KIAA1210: variants seen among roughly 807,000 people sequenced by gnomAD.
KIAA1210 encodes the protein KIAA1210.
In KIAA1210, 48 loss-of-function variants were observed where a neutral mutation model predicts 78.9. That is an observed-to-expected ratio of 0.61 (90% CI 0.48 to 0.77). KIAA1210 has a LOEUF of 0.77. KIAA1210 is among the 30% of genes least tolerant of loss of function. The pLI is 0.00. For synonymous variants in KIAA1210, 406 were observed against 404.5 expected, an observed-to-expected ratio of 1.00 and a Z score of -0.04; for missense variants, 1,108 against 1,100.0, an observed-to-expected ratio of 1.01 and a Z score of -0.10.
intron 6 of KIAA1210, among the ~76,000 whole-genome samples, chrX:119,100,794 T>C (rs1410897499): frequency 2.7e-5 from 3 of 112,415 alleles, no homozygotes; most frequent in African/African-American, 6.5e-5. Flanking sequence ...TACACATTAT[T>C]TAGCTCCCAC....
chrX:119,079,413 G>C lies in KIAA1210; in HGVS notation c.*1916C>G, dbSNP rs999209063. ...GACATCCAAAGGGAGCTCTCCCTTAGTGTTTGGTGGGTTTGGGGGATGGAA... is the reference window on the plus strand; with the variant it reads ...GACATCCAAAGGGAGCTCTCCCTTACTGTTTGGTGGGTTTGGGGGATGGAA... On this transcript the variant is annotated 3_prime_UTR_variant, in exon 12 of 12. Transcript: ENST00000691062. 2 of 111,908 alleles carry C rather than the reference G, an allele frequency of 1.8e-5. No homozygotes were observed. The highest frequency in any genetic ancestry group is 3.8e-5 in the Non-Finnish European group (2 of 53,146). The allele number at this position is 111,908 out of a possible 1,213,427, so 9.2% of individuals were successfully genotyped here. A position where few individuals can be genotyped will look rare whatever the true frequency, so the allele number is the denominator to read the frequency against.
At chrX:119,125,440 G>A (rs182725215) in intron 1 of KIAA1210, among the ~76,000 whole-genome samples, 10 of 108,552 alleles carry the variant, frequency 9.2e-5, no homozygotes, top group Admixed American at 6.0e-4. Context: ...AGTTAAAAAC[G>A]GGAAACAACC....
At chrX:119,116,443 A>C in intron 3 of KIAA1210, 53 bp downstream of exon 3, 15 of 1,155,816 alleles carry the variant, frequency 1.3e-5, no homozygotes, top group African/African-American at 1.2e-4. Context: ...ACCTAGATCC[A>C]ACTGCCTGCC....
intron 2 of KIAA1210, among the ~76,000 whole-genome samples, chrX:119,137,412 G>A (rs781371735): frequency 2.7e-5 from 3 of 112,734 alleles, no homozygotes; most frequent in Non-Finnish European, 3.7e-5. Context: ...AACTACATTA[G>A]GAATTACAAA....
rs2147171577 is a variant in KIAA1210 at position 119,088,597 on chromosome X, G to A, written c.2105C>T (p.Pro702Leu). 8.3e-7 allele frequency: 1 copy of A among 1,211,642 alleles called. No individual in the cohort carries two copies. The change falls in exon 9 of 12, where the codon CCT (proline) becomes CTT (leucine). Residue 702 changes from proline (P) to leucine (L), a missense_variant. By Grantham distance (98) the Pro-to-Leu change is moderately conservative. This residue lies in a region of KIAA1210 where 672 missense variants were observed against 607.1 expected (regional missense o/e 1.11). Transcript: ENST00000691062. ...TTTGGGCTTTCCCAAGGCCTGAGCA[G>A]GGTGTCTGAGAGGCAGGTCTTCCTC... ...SSEEDLPLRH[P>L]AQALGKPKNQ...
intron 4 of KIAA1210, among the ~76,000 whole-genome samples, 164 bp from the exon 5 acceptor site, chrX:119,108,635 C>A (rs1012244053): frequency 2.7e-5 from 3 of 110,393 alleles, no homozygotes; most frequent in Non-Finnish European, 5.7e-5. Flanking sequence ...GAGGCCAAGG[C>A]GGGAGGGTTG....
At chrX:119,117,744 G>A (rs5957114) in intron 2 of KIAA1210, among the ~76,000 whole-genome samples, 1 of 107,011 alleles carries the variant, frequency 9.3e-6, no homozygotes, top group Non-Finnish European at 1.9e-5. Flanking sequence ...ACCACCACAC[G>A]TGGCTAATTT....
upstream of KIAA1210, among the ~76,000 whole-genome samples, chrX:119,151,122 C>T (rs753106338): frequency 1.2e-3 from 132 of 112,371 alleles, no homozygotes; most frequent in South Asian, 2.9e-3. Flanking sequence ...ACCCACAGGC[C>T]GAAGCAATAA....
At chrX:119,126,209 TG>T (rs1928641618) in intron 1 of KIAA1210, among the ~76,000 whole-genome samples, 1 of 22,304 alleles carries the variant, frequency 4.5e-5, no homozygotes. Flanking sequence ...TCTCCAGAGG[TG>T]GGGGGCCGGG....
At chrX:119,092,876 G>T (rs1927430679) in intron 8 of KIAA1210, among the ~76,000 whole-genome samples, 1 of 110,762 alleles carries the variant, frequency 9.0e-6, no homozygotes, top group South Asian at 3.8e-4. Context: ...GGGTTTTGTG[G>T]TTTTCTTAGT....
In KIAA1210 at chrX:119,110,452, TG is replaced by T. The variant is rs777750366; in HGVS notation, c.231-1251del. ...TGCTTTTATCATTTCTATTCGACAC[TG>T]TATGGGAGATTATAGACCGGGAAAT... On this transcript the variant is annotated intron_variant, in intron 3 of 11. Coordinates refer to ENST00000691062, the MANE Select transcript of KIAA1210 (RefSeq NM_001394962.1). Among the ~76,000 whole-genome samples the T allele has an allele frequency of 2.2e-3, 242 of 111,394 alleles. 2 individuals carry two copies. Among genetic ancestry groups the T allele is most frequent in the African/African-American group, 7.3e-3 (223 of 30,706 alleles).
chrX:119,122,128 C>G (rs1377078959), intron 2 of KIAA1210, among the ~76,000 whole-genome samples: 1 of 95,889 alleles, frequency 1.0e-5, no homozygotes, highest in Non-Finnish European at 2.0e-5. Context: ...TACAGTGGCG[C>G]GATCTCAGCT....
intron 3 of KIAA1210, among the ~76,000 whole-genome samples, chrX:119,112,640 G>A (rs1417555613): frequency 4.5e-5 from 5 of 111,940 alleles, no homozygotes; most frequent in Non-Finnish European, 7.5e-5. Flanking sequence ...ACACCCACTA[G>A]AATGGCTAGA....
At chrX:119,126,309 G>A (rs1309235653) in intron 1 of KIAA1210, among the ~76,000 whole-genome samples, 1 of 111,399 alleles carries the variant, frequency 9.0e-6, no homozygotes, top group Non-Finnish European at 1.9e-5. Flanking sequence ...AGTGCAAAAG[G>A]TTCCAAATCA....
chrX:119,110,572 C>T (rs1156877063), intron 3 of KIAA1210, among the ~76,000 whole-genome samples: 1 of 111,656 alleles, frequency 9.0e-6, no homozygotes, highest in East Asian at 2.8e-4. Context: ...GTATAAAACT[C>T]TTAATGAATA....
intron 2 of KIAA1210, among the ~76,000 whole-genome samples, chrX:119,142,183 A>T (rs911305632): frequency 9.9e-5 from 11 of 111,249 alleles, no homozygotes; most frequent in African/African-American, 3.6e-4. Context: ...AACTGTGAAG[A>T]TTCATTCATT....
At chrX:119,139,318 A>G in intron 2 of KIAA1210, among the ~76,000 whole-genome samples, 1 of 111,995 alleles carries the variant, frequency 8.9e-6, no homozygotes, top group Non-Finnish European at 1.9e-5. Context: ...AAGCCATAAG[A>G]AATGGATGGC....
At chrX:119,094,878 C>T (rs1296159536) in intron 7 of KIAA1210, among the ~76,000 whole-genome samples, 1 of 111,680 alleles carries the variant, frequency 9.0e-6, no homozygotes, top group Non-Finnish European at 1.9e-5. Flanking sequence ...CATACTGCTT[C>T]CCTCAGCCAA....
intron 1 of KIAA1210, chrX:119,147,657 G>C (rs1929199488): frequency 1.9e-6 from 2 of 1,055,137 alleles, no homozygotes; most frequent in Non-Finnish European, 2.5e-6. Flanking sequence ...TCACAGGTCA[G>C]TTGGCTAAGA....
Sources: allele counts gnomAD v4.1 joint callset (sites outside exome capture counted in the v4.1 genomes callset), GRCh38; gene constraint gnomAD v4.1.1; regional missense constraint gnomAD v4.1.1; transcripts MANE v1.5; gene names NCBI Gene and HGNC (gene_info 2026-07-23, HGNC 2026-07-21).